USH2A: variants seen among roughly 807,000 people sequenced by gnomAD.
USH2A encodes Usher syndrome 2A (autosomal recessive, mild).
Under a neutral mutation model 538.9 loss-of-function variants are expected in USH2A, and 443 were observed. The ratio of observed to expected loss-of-function variants is 0.82; its 90% confidence interval spans 0.76 to 0.89. The LOEUF (loss-of-function observed/expected upper bound fraction) is 0.89, where lower values mean the gene tolerates loss of function less well. Among genes scored for constraint, USH2A ranks in the 40% least tolerant of loss-of-function variants. The pLI, the probability that USH2A is intolerant of heterozygous loss-of-function variation, is 0.00. For synonymous variants in USH2A, 2,413 were observed against 2,273.5 expected (o/e 1.06, Z -1.75); for missense variants, 6,633 against 6,324.8 (o/e 1.05, Z -1.65).
intron 20 of USH2A, among the ~76,000 whole-genome samples, chr1:216,181,440 C>T (rs934712460): frequency 2.0e-5 from 3 of 152,080 alleles, no homozygotes; most frequent in Non-Finnish European, 4.4e-5. Context: ...TGTTCCTTTA[C>T]CTTAGCATGG....
chr1:216,259,402 G>A (rs1302184444), intron 11 of USH2A, among the ~76,000 whole-genome samples: 1 of 152,030 alleles, frequency 6.6e-6, no homozygotes, highest in African/African-American at 2.4e-5. Context: ...TTTCATCTCG[G>A]TCTAGGTTAC....
chr1:215,996,953 T>A (rs1668157071), intron 34 of USH2A, among the ~76,000 whole-genome samples: 1 of 152,154 alleles, frequency 6.6e-6, no homozygotes, highest in South Asian at 2.1e-4. Context: ...CTTTGTTATC[T>A]TTATGTTTTG....
At position 215,879,090 on chromosome 1, in the gene USH2A, C is replaced by G. The variant is rs1424639717; in HGVS notation, c.8232G>C (p.Trp2744Cys). 3 of 1,613,214 alleles carry G rather than the reference C, an allele frequency of 1.9e-6. No individual in the cohort carries two copies. Among genetic ancestry groups the G allele is most frequent in the East Asian group, 4.5e-5 (2 of 44,884 alleles). ...CTCCGTTCTGGATGAGTGGGGGTTT[C>G]CAAGTGACCTGAAATGAAAGATAAA... is the stretch of plus-strand genomic sequence containing the variant. ...VLEPDAVQVT[W>C]KPPLIQNGDI... is the part of the protein sequence containing the mutation. Residue 2744 changes from tryptophan (W) to cysteine (C), a missense_variant, in exon 42 of 72, where the codon TGG (tryptophan) becomes TGC (cysteine). Coordinates refer to ENST00000307340, the MANE Select transcript of USH2A (RefSeq NM_206933.4).
At chr1:216,226,842 T>C (rs1246681211) in intron 14 of USH2A, among the ~76,000 whole-genome samples, 2 of 152,192 alleles carry the variant, frequency 1.3e-5, no homozygotes, top group African/African-American at 4.8e-5. Flanking sequence ...GTAGTCTTCC[T>C]TGTCATGATG....
intron 40 of USH2A, among the ~76,000 whole-genome samples, chr1:215,894,195 TGTA>T (rs1448599412): frequency 1.3e-5 from 2 of 152,302 alleles, no homozygotes; most frequent in African/African-American, 4.8e-5. Context: ...TACTGAAACT[TGTA>T]GTTCCTCTTT....
intron 40 of USH2A, among the ~76,000 whole-genome samples, chr1:215,891,648 G>C (rs1278621369): frequency 3.3e-5 from 5 of 152,188 alleles, no homozygotes; most frequent in Non-Finnish European, 5.9e-5. Context: ...ACATGAAAAA[G>C]ATGGTTATAA....
Position 216,207,354 on chromosome 1 carries a change from A to G in USH2A, c.3235T>C (p.Ser1079Pro). 1 of 1,614,048 alleles carries G rather than the reference A, an allele frequency of 6.2e-7. No homozygotes were observed. ...TAAGTAAGCCAGTGGGCATTTGGAG[A>G]ATCAGGTGGACTCCAGGAGAGATTG... is the stretch of plus-strand genomic sequence containing the variant. Reference protein sequence around the residue: ...AINLSWSPPDSPNAHWLTYSL... With the variant: ...AINLSWSPPDPPNAHWLTYSL... The change falls in exon 16 of 72, where the codon TCT becomes CCT. Residue 1079 changes from serine (S) to proline (P), a missense_variant. By Grantham distance (74) the Ser-to-Pro change is moderately conservative (BLOSUM62 -1). Transcript: ENST00000307340.
At chr1:216,253,662 T>A (rs1352336675) in intron 11 of USH2A, among the ~76,000 whole-genome samples, 1 of 152,220 alleles carries the variant, frequency 6.6e-6, no homozygotes, top group Non-Finnish European at 1.5e-5. Context: ...CATTTTGAAG[T>A]CTTTCTGGCT....
At chr1:216,252,696 T>C (rs767725997) in intron 11 of USH2A, among the ~76,000 whole-genome samples, 1 of 152,170 alleles carries the variant, frequency 6.6e-6, no homozygotes, top group African/African-American at 2.4e-5. Context: ...AAGATGCATA[T>C]AGGTTTAGAA....
intron 11 of USH2A, among the ~76,000 whole-genome samples, chr1:216,257,835 T>C (rs1287340231): frequency 6.6e-6 from 1 of 152,092 alleles, no homozygotes. Context: ...TTATGTTTAA[T>C]GTATAATCAA....
At chr1:216,191,865 C>T (rs574594125) in intron 19 of USH2A, among the ~76,000 whole-genome samples, 5 of 146,158 alleles carry the variant, frequency 3.4e-5, no homozygotes, top group South Asian at 2.2e-4. Flanking sequence ...CAAGAACCCA[C>T]GATGAAATAA....
chr1:216,241,445 C>G (rs937987873), intron 13 of USH2A, among the ~76,000 whole-genome samples: 8 of 152,020 alleles, frequency 5.3e-5, no homozygotes, highest in African/African-American at 1.9e-4. Context: ...GATAATAATA[C>G]TAAATTTTCT....
At chr1:215,919,098 AC>A (rs1666033001) in intron 38 of USH2A, among the ~76,000 whole-genome samples, 1 of 152,052 alleles carries the variant, frequency 6.6e-6, no homozygotes, top group Non-Finnish European at 1.5e-5. Flanking sequence ...AGCATGAATC[AC>A]CCCCAATTCC....
intron 61 of USH2A, among the ~76,000 whole-genome samples, chr1:215,716,281 A>G (rs1270664363): frequency 1.3e-5 from 2 of 152,264 alleles, no homozygotes; most frequent in African/African-American, 2.4e-5. Context: ...ATCCTTGATA[A>G]CTGTTTCATA....
intron 50 of USH2A, among the ~76,000 whole-genome samples, chr1:215,796,648 C>T (rs75574076): frequency 0.037 from 5,675 of 152,064 alleles, 135 homozygotes; most frequent in African/African-American, 0.066. Flanking sequence ...TAAAATTAGG[C>T]CAATTAATTA....
In USH2A at chr1:215,798,930, CCTT is replaced by C. The variant is rs1282087791; in HGVS notation, c.9932_9934del (p.Glu3311del). 3.7e-6 allele frequency: 6 copies of C among 1,613,984 alleles called. No homozygotes were observed. The East Asian group carries it at 6.7e-5, about 18-fold the overall frequency. ...ACCTGGAAGGCGATTGTACACCACT[CCTT>C]CTTCTCCACCACAACACTCTAAATC... On this transcript the variant is annotated inframe_deletion, in exon 50 of 72. Coordinates refer to ENST00000307340, the MANE Select transcript of USH2A (RefSeq NM_206933.4).
Position 216,321,911 on chromosome 1 carries a change from G to C in USH2A, c.1616C>G (p.Ser539Cys), listed in dbSNP as rs2037618499. The stretch of plus-strand genomic sequence containing the variant: ...AAGTCCTTCAGTGAAGCTCTCCTGG[G>C]AGCAGAGGCATCTATATGGCTGGCT... ...TTSQPYRCLC[S>C]QESFTEGLHC... The change falls in exon 9 of 72, where the codon TCC becomes TGC. Residue 539 changes from serine (S) to cysteine (C), a missense_variant. Physicochemically the swap from Ser to Cys is moderately radical, Grantham distance 112 (BLOSUM62 -1). Transcript: ENST00000307340. 3 of 1,613,806 alleles carry C rather than the reference G, an allele frequency of 1.9e-6. No homozygotes were observed.
intron 26 of USH2A, among the ~76,000 whole-genome samples, chr1:216,078,716 C>T (rs529297448): frequency 4.1e-4 from 62 of 152,228 alleles, no homozygotes; most frequent in African/African-American, 1.3e-3. Flanking sequence ...ACACTTTGAA[C>T]TATGACTCTT....
chr1:216,266,732 A>T (rs1157175447), intron 11 of USH2A, among the ~76,000 whole-genome samples: 3 of 152,068 alleles, frequency 2.0e-5, no homozygotes, highest in Non-Finnish European at 4.4e-5. Context: ...TATGTGTACC[A>T]TATATATGTA....
Sources: gnomAD v4.1 joint callset for allele counts (sites outside exome capture counted in the v4.1 genomes callset) on GRCh38, gnomAD v4.1.1 for gene constraint, MANE v1.5 for transcripts, NCBI Gene and HGNC (gene_info 2026-07-23, HGNC 2026-07-21) for gene names.